Variants in TAFA5 observed in about 807,000 individuals in gnomAD.
The protein encoded by TAFA5 is chemokine-like protein TAFA-5.
A neutral mutation model predicts 15.3 loss-of-function variants in TAFA5; 6 were observed. The observed-to-expected ratio is 0.39, with a 90% CI of 0.21 to 0.77. The LOEUF (loss-of-function observed/expected upper bound fraction) is 0.77, where lower values mean the gene tolerates loss of function less well. Among genes scored for constraint, TAFA5 ranks in the 30% least tolerant of loss-of-function variants. TAFA5 has a pLI of 0.41. For missense variants in TAFA5, 161 were observed against 193.1 expected, an observed-to-expected ratio of 0.83 and a Z score of 0.98; for synonymous variants, 103 against 80.7, an observed-to-expected ratio of 1.28 and a Z score of -1.48.
intron 1 of TAFA5, among the ~76,000 whole-genome samples, chr22:48,553,287 G>A (rs1014181414): frequency 1.3e-5 from 2 of 152,140 alleles, no homozygotes; most frequent in Non-Finnish European, 2.9e-5. Flanking sequence ...CTGGCTCTGT[G>A]CGATGGACAG....
chr22:48,611,999 C>T (rs1033417664), intron 1 of TAFA5, among the ~76,000 whole-genome samples: 3 of 152,156 alleles, frequency 2.0e-5, no homozygotes, highest in Admixed American at 6.5e-5. Flanking sequence ...TCAGTTTCCT[C>T]ACCTGTAATA....
At chr22:48,631,789 T>TAAAG (rs1376025244) in intron 1 of TAFA5, among the ~76,000 whole-genome samples, 1 of 152,074 alleles carries the variant, frequency 6.6e-6, no homozygotes, top group Non-Finnish European at 1.5e-5. Flanking sequence ...TCGCGGAATG[T>TAAAG]AAAGGGTCTG....
At position 48,530,930 on chromosome 22, in the gene TAFA5, G is replaced by C. The variant is rs748776968; in HGVS notation, c.112+41226G>C. Among the ~76,000 whole-genome samples, 1 of 152,180 alleles carries C rather than the reference G, an allele frequency of 6.6e-6. No individual in the cohort carries two copies. Reference sequence around the variant, plus strand: ...TGACATGACAGACTGAGCTTCCACTGTACAGGGACCCCCTGTGCAAAGTGG... The same window carrying C: ...TGACATGACAGACTGAGCTTCCACTCTACAGGGACCCCCTGTGCAAAGTGG... On this transcript the variant is annotated intron_variant, in intron 1 of 3. Coordinates refer to ENST00000402357, the MANE Select transcript of TAFA5 (RefSeq NM_001082967.3). The surrounding 1 kb of genome is among the most constrained non-coding windows in gnomAD (Gnocchi z 6.0).
chr22:48,536,175 G>A (rs1922155478), intron 1 of TAFA5, among the ~76,000 whole-genome samples: 2 of 152,180 alleles, frequency 1.3e-5, no homozygotes, highest in Non-Finnish European at 2.9e-5. Flanking sequence ...GTCTTCATGC[G>A]TCCCCCATGC....
intron 1 of TAFA5, among the ~76,000 whole-genome samples, chr22:48,635,321 A>G (rs966556943): frequency 1.3e-5 from 2 of 151,682 alleles, no homozygotes; most frequent in African/African-American, 4.8e-5. Context: ...GCCTGGGGGC[A>G]GGCAGCCCCT....
At chr22:48,522,901 G>C (rs776029981) in intron 1 of TAFA5, among the ~76,000 whole-genome samples, 1 of 152,226 alleles carries the variant, frequency 6.6e-6, no homozygotes, top group Non-Finnish European at 1.5e-5. Flanking sequence ...CCACGTCCCT[G>C]TCCTGGGGGA....
At position 48,610,592 on chromosome 22, in the gene TAFA5, T is replaced by C. The variant is rs375168657; in HGVS notation, c.113-36005T>C. Among the ~76,000 whole-genome samples, 283 of 84,758 alleles carry C rather than the reference T, an allele frequency of 3.3e-3. 1 individual carries two copies. Among genetic ancestry groups the C allele is most frequent in the African/African-American group, 4.6e-3 (154 of 33,346 alleles). 55.6% of individuals were successfully genotyped at this position (84,758 alleles called of 152,430 possible). A position where few individuals can be genotyped will look rare whatever the true frequency, so the allele number is the denominator to read the frequency against. ...CACCAGGAGGGCTTTGTCCCCAGCA[T>C]GGAGGAGCAGAGGGGCAGGCTCGCA... On this transcript the variant is annotated intron_variant, in intron 1 of 3. Transcript: ENST00000402357.
intron 1 of TAFA5, among the ~76,000 whole-genome samples, chr22:48,569,420 C>G (rs983603904): frequency 6.6e-6 from 1 of 152,120 alleles, no homozygotes; most frequent in Non-Finnish European, 1.5e-5. Context: ...GGGGTCTGGG[C>G]GCCTTGCTGT....
At chr22:48,564,752 G>C (rs9627378) in intron 1 of TAFA5, among the ~76,000 whole-genome samples, 31,294 of 152,156 alleles carry the variant, frequency 0.21, 3,335 homozygotes, top group Non-Finnish European at 0.23. Flanking sequence ...TTGTGTGCTG[G>C]TCCTTGGGAG....
intron 1 of TAFA5, among the ~76,000 whole-genome samples, chr22:48,643,817 G>GTC (rs1180466355): frequency 1.3e-5 from 2 of 152,308 alleles, no homozygotes; most frequent in South Asian, 4.1e-4. Flanking sequence ...GACACCATGA[G>GTC]TCTCTGCTGG....
At chr22:48,736,715 C>T (rs376759080) in intron 3 of TAFA5, among the ~76,000 whole-genome samples, 4 of 152,184 alleles carry the variant, frequency 2.6e-5, no homozygotes, top group African/African-American at 4.8e-5. Flanking sequence ...AACATGACGC[C>T]GAGTGAAGGA....
chr22:48,606,091 G>A (rs187020984), intron 1 of TAFA5, among the ~76,000 whole-genome samples: 5 of 152,306 alleles, frequency 3.3e-5, no homozygotes, highest in East Asian at 1.9e-4. Flanking sequence ...GTCCTGCCAC[G>A]TGACTGCTGG....
At chr22:48,621,826 C>A (rs1231137825) in intron 1 of TAFA5, among the ~76,000 whole-genome samples, 1 of 152,134 alleles carries the variant, frequency 6.6e-6, no homozygotes, top group East Asian at 1.9e-4. Context: ...CCCACGAGGT[C>A]TCAGTGTCGC....
chr22:48,644,723 G>A (rs1361155533), intron 1 of TAFA5, among the ~76,000 whole-genome samples: 1 of 152,204 alleles, frequency 6.6e-6, no homozygotes, highest in Non-Finnish European at 1.5e-5. Flanking sequence ...GTTATCATAG[G>A]AGAAAAAGTG....
intron 1 of TAFA5, chr22:48,545,203 A>C: frequency 6.8e-6 from 2 of 293,896 alleles, no homozygotes; most frequent in South Asian, 3.5e-5. Context: ...TCTTTCCGCC[A>C]CTCACTGAAG....
At chr22:48,658,268 A>G (rs1927316948) in intron 2 of TAFA5, among the ~76,000 whole-genome samples, 1 of 152,092 alleles carries the variant, frequency 6.6e-6, no homozygotes, top group Admixed American at 6.6e-5. Flanking sequence ...AGGTCTTACG[A>G]CTGCTGCGTT....
At chr22:48,494,468 T>G (rs1928257461) in intron 1 of TAFA5, among the ~76,000 whole-genome samples, 1 of 152,174 alleles carries the variant, frequency 6.6e-6, no homozygotes, top group Non-Finnish European at 1.5e-5. Context: ...CACTGGGGTG[T>G]GGAAAGCCCT....
intron 1 of TAFA5, among the ~76,000 whole-genome samples, chr22:48,524,783 C>T (rs553876614): frequency 6.6e-6 from 1 of 152,268 alleles, no homozygotes; most frequent in Non-Finnish European, 1.5e-5. Context: ...TTACTCTGCA[C>T]CAGGAGTGGG....
chr22:48,738,975 C>T (rs900822978), intron 3 of TAFA5, among the ~76,000 whole-genome samples: 5 of 152,350 alleles, frequency 3.3e-5, no homozygotes, highest in Admixed American at 3.3e-4. Context: ...GTATGAGCAT[C>T]TCACCTGGAT....
Sources: allele counts gnomAD v4.1 joint callset (sites outside exome capture counted in the v4.1 genomes callset), GRCh38; gene constraint gnomAD v4.1.1; non-coding constraint Gnocchi (gnomAD v3.1); transcripts MANE v1.5; gene names NCBI Gene and HGNC (gene_info 2026-07-23, HGNC 2026-07-21).